Variants in TMOD3 observed in about 807,000 individuals in gnomAD.
TMOD3 encodes tropomodulin-3.
In TMOD3, 20 loss-of-function variants were observed where a neutral mutation model predicts 39.2. That is an observed-to-expected ratio of 0.51 (90% CI 0.36 to 0.74). The LOEUF is 0.74. Among genes scored for constraint, TMOD3 ranks in the 30% least tolerant of loss-of-function variants. TMOD3 has a pLI of 0.00. For missense variants in TMOD3, 381 were observed against 412.8 expected, an observed-to-expected ratio of 0.92 and a Z score of 0.67; for synonymous variants, 143 against 145.8, an observed-to-expected ratio of 0.98 and a Z score of 0.14.
At chr15:51,855,776 T>C (rs2056384633) in intron 1 of TMOD3, among the ~76,000 whole-genome samples, 1 of 152,220 alleles carries the variant, frequency 6.6e-6, no homozygotes, top group African/African-American at 2.4e-5. Flanking sequence ...GAGAGACATG[T>C]CATCCCAGAA....
intron 1 of TMOD3, chr15:51,859,876 T>C (rs547948845): frequency 8.8e-5 from 47 of 532,704 alleles, no homozygotes; most frequent in Non-Finnish European, 1.7e-4. Flanking sequence ...ATTGGAATTC[T>C]GGCAGAAGCT....
chr15:51,893,684 G>C, intron 5 of TMOD3, 131 bp from the exon 6 acceptor site: 2 of 801,052 alleles, frequency 2.5e-6, no homozygotes, highest in South Asian at 6.7e-5. Flanking sequence ...AGAATGGCTT[G>C]AACCCGGGAG....
rs1466073092 is a variant in TMOD3 at position 51,909,931 on chromosome 15, A to C, written c.*1121A>C. The C allele has an allele frequency of 6.6e-6, 1 of 152,258 alleles. No homozygotes were observed. Among genetic ancestry groups the C allele is most frequent in the Non-Finnish European group, 1.5e-5 (1 of 68,046 alleles). 9.4% of individuals were successfully genotyped at this position (152,258 alleles called of 1,614,324 possible). A position where few individuals can be genotyped will look rare whatever the true frequency, so the allele number is the denominator to read the frequency against. On this transcript the variant is annotated 3_prime_UTR_variant, in exon 10 of 10. Coordinates refer to ENST00000308580, the MANE Select transcript of TMOD3 (RefSeq NM_014547.5). ...TTTAGTATATGCTTCCTTTCATCTT[A>C]TACTTTTATCAATATTTATAAAAGT...
intron 9 of TMOD3, among the ~76,000 whole-genome samples, chr15:51,905,937 C>T (rs1286855251): frequency 2.0e-5 from 2 of 99,770 alleles, no homozygotes; most frequent in African/African-American, 4.5e-5. Flanking sequence ...GGCAACAGAG[C>T]GAGACTCCGT....
intron 3 of TMOD3, among the ~76,000 whole-genome samples, chr15:51,877,062 CA>C (rs1049178813): frequency 6.6e-6 from 1 of 151,596 alleles, no homozygotes; most frequent in South Asian, 2.1e-4. Flanking sequence ...GACTCTGTCT[CA>C]AAAAAAATAA....
chr15:51,862,800 T>C lies in TMOD3; in HGVS notation c.-74-11T>C. On this transcript the variant is annotated splice_polypyrimidine_tract_variant and intron_variant, in intron 1 of 9. Coordinates refer to ENST00000308580, the MANE Select transcript of TMOD3 (RefSeq NM_014547.5). ...TACTATTTAAAATGTATTTGTTTCT[T>C]CTCTCCATAGCTTTAAGAAAAAGTA... 1 of 1,353,448 alleles carries C rather than the reference T, an allele frequency of 7.4e-7. No individual in the cohort carries two copies. Among genetic ancestry groups the C allele is most frequent in the Non-Finnish European group, 9.9e-7 (1 of 1,005,122 alleles). The allele number at this position is 1,353,448 out of a possible 1,614,324, so 83.8% of individuals were successfully genotyped here.
intron 1 of TMOD3, among the ~76,000 whole-genome samples, chr15:51,836,482 C>G (rs867999441): frequency 2.0e-5 from 3 of 152,020 alleles, no homozygotes; most frequent in South Asian, 4.1e-4. Context: ...ATCCCAGCAC[C>G]TTGGGAGGCT....
intron 2 of TMOD3, among the ~76,000 whole-genome samples, chr15:51,866,221 A>C (rs964362445): frequency 6.6e-6 from 1 of 152,116 alleles, no homozygotes; most frequent in African/African-American, 2.4e-5. Flanking sequence ...TTGGGAGGCC[A>C]AGGAGGGAGA....
intron 3 of TMOD3, among the ~76,000 whole-genome samples, chr15:51,878,380 G>GTGTGTGTGTGTGTGTA (rs2056516181): frequency 7.9e-6 from 1 of 126,718 alleles, no homozygotes; most frequent in Admixed American, 8.4e-5. Flanking sequence ...AAATATATGT[G>GTGTGTGTGTGTGTGTA]TGTGTGTGTG....
chr15:51,902,395 A>G (rs868720679), intron 9 of TMOD3, among the ~76,000 whole-genome samples: 21 of 152,224 alleles, frequency 1.4e-4, no homozygotes, highest in African/African-American at 4.8e-4. Context: ...CCCAGATAGA[A>G]ATTCAATTTT....
At chr15:51,872,786 G>A (rs1472674519) in intron 3 of TMOD3, among the ~76,000 whole-genome samples, 1 of 152,032 alleles carries the variant, frequency 6.6e-6, no homozygotes, top group African/African-American at 2.4e-5. Context: ...TTATTAATGG[G>A]TACACTGAAA....
At chr15:51,902,521 A>G (rs1234527403) in intron 9 of TMOD3, among the ~76,000 whole-genome samples, 3 of 152,004 alleles carry the variant, frequency 2.0e-5, no homozygotes, top group African/African-American at 7.2e-5. Context: ...GCGAGGCAGG[A>G]GTGCAGTGGC....
chr15:51,889,203 G>A (rs1043222653), intron 5 of TMOD3, 58 bp downstream of exon 5: 31 of 1,206,618 alleles, frequency 2.6e-5, no homozygotes, highest in Admixed American at 3.8e-5. Context: ...TTTTGTTTTC[G>A]CCTTGTGTCA....
chr15:51,875,911 C>T (rs1444586640), intron 3 of TMOD3, among the ~76,000 whole-genome samples: 1 of 152,104 alleles, frequency 6.6e-6, no homozygotes, highest in Admixed American at 6.5e-5. Context: ...AGCCACCGTG[C>T]CCGGCCTAAA....
intron 1 of TMOD3, among the ~76,000 whole-genome samples, chr15:51,862,281 A>C (rs1482609004): frequency 6.6e-6 from 1 of 152,166 alleles, no homozygotes; most frequent in African/African-American, 2.4e-5. Context: ...TTTTCCTTTA[A>C]AAACACCTCA....
chr15:51,849,936 TAA>T (rs112985288), intron 1 of TMOD3, among the ~76,000 whole-genome samples: 20 of 106,342 alleles, frequency 1.9e-4, no homozygotes, highest in Admixed American at 1.8e-4. Flanking sequence ...TCTGTCTCAA[TAA>T]AAAAAAAAAA....
At chr15:51,888,081 C>T (rs944684450) in intron 4 of TMOD3, among the ~76,000 whole-genome samples, 3 of 152,196 alleles carry the variant, frequency 2.0e-5, no homozygotes, top group African/African-American at 4.8e-5. Flanking sequence ...ATCAGAAGAC[C>T]GAGAGATGAG....
At chr15:51,896,784 C>T (rs953634729) in intron 7 of TMOD3, among the ~76,000 whole-genome samples, 2 of 151,772 alleles carry the variant, frequency 1.3e-5, no homozygotes, top group Non-Finnish European at 2.9e-5. Flanking sequence ...TGCTGTTCTG[C>T]AACTTGATTT....
chr15:51,880,744 T>C (rs2056528657), intron 3 of TMOD3, among the ~76,000 whole-genome samples: 1 of 152,244 alleles, frequency 6.6e-6, no homozygotes, highest in Non-Finnish European at 1.5e-5. Context: ...GGACATGGGT[T>C]GTTGCCACTT....
Sources: gnomAD v4.1 joint callset for allele counts (sites outside exome capture counted in the v4.1 genomes callset) on GRCh38, gnomAD v4.1.1 for gene constraint, MANE v1.5 for transcripts, NCBI Gene and HGNC (gene_info 2026-07-23, HGNC 2026-07-21) for gene names.